Variants in HAUS8 observed in about 807,000 individuals in gnomAD.
HAUS8 encodes the protein HAUS augmin-like complex subunit 8.
Under a neutral mutation model 42.9 loss-of-function variants are expected in HAUS8, and 38 were observed. The observed-to-expected ratio is 0.89, with a 90% CI of 0.68 to 1.16. The LOEUF (loss-of-function observed/expected upper bound fraction) is 1.16. HAUS8 is among the 50% of genes most tolerant of loss of function. The pLI is 0.00. For missense variants in HAUS8, 494 were observed against 511.6 expected (o/e 0.97, Z 0.33); for synonymous variants, 199 against 205.8 (o/e 0.97, Z 0.28).
chr19:17,075,447 C>T lies in HAUS8; in HGVS notation c.-25G>A. 1 of 1,613,166 alleles carries T rather than the reference C, an allele frequency of 6.2e-7. No homozygotes were observed. The highest frequency in any genetic ancestry group is 8.5e-7 in the Non-Finnish European group (1 of 1,179,752). On this transcript the variant is annotated 5_prime_UTR_variant, in exon 1 of 11. Coordinates refer to ENST00000253669, the MANE Select transcript of HAUS8 (RefSeq NM_033417.2). ...TTTTCCCGCCTTCCACCTCAAGGCCCGACCCGCCGGCTTTTCAAAGCCGGA... is the reference window on the plus strand; with the variant it reads ...TTTTCCCGCCTTCCACCTCAAGGCCTGACCCGCCGGCTTTTCAAAGCCGGA...
At chr19:17,062,555 A>C in intron 4 of HAUS8, 143 bp downstream of exon 4, 1 of 651,960 alleles carries the variant, frequency 1.5e-6, no homozygotes, top group Non-Finnish European at 2.8e-6. Flanking sequence ...ACATCCCCCC[A>C]GTCTGTCCTT....
intron 2 of HAUS8, among the ~76,000 whole-genome samples, chr19:17,072,100 T>C (rs1028290783): frequency 2.0e-5 from 3 of 152,228 alleles, no homozygotes; most frequent in Non-Finnish European, 2.9e-5. Flanking sequence ...ATAGCTGTTA[T>C]ATGCGAGATT....
intron 10 of HAUS8, among the ~76,000 whole-genome samples, chr19:17,050,425 T>C (rs1270401099): frequency 6.6e-6 from 1 of 152,072 alleles, no homozygotes; most frequent in Non-Finnish European, 1.5e-5. Context: ...GCTGCTGCTG[T>C]GGTGGGAGTA....
intron 6 of HAUS8, among the ~76,000 whole-genome samples, chr19:17,059,289 C>T (rs2057345370): frequency 6.6e-6 from 1 of 152,236 alleles, no homozygotes; most frequent in Non-Finnish European, 1.5e-5. Context: ...TGGCATTGTG[C>T]CTTTCCCAGC....
At chr19:17,055,182 AT>A (rs2057317186) in intron 9 of HAUS8, 2 of 76,900 alleles carry the variant, frequency 2.6e-5, no homozygotes, top group Non-Finnish European at 4.6e-5. Flanking sequence ...ATATATATAT[AT>A]ATATATATAA....
chr19:17,056,303 A>G (rs1267045759), intron 8 of HAUS8, among the ~76,000 whole-genome samples: 2 of 152,162 alleles, frequency 1.3e-5, no homozygotes, highest in Non-Finnish European at 2.9e-5. Flanking sequence ...CCACAAGGCC[A>G]TCCCCGGCAT....
intron 9 of HAUS8, 22 bp downstream of exon 9, chr19:17,055,839 A>G: frequency 3.7e-6 from 6 of 1,608,738 alleles, no homozygotes; most frequent in Non-Finnish European, 5.1e-6. Context: ...CTGCACACGC[A>G]CTGGGACGCC....
chr19:17,053,171 A>C, intron 9 of HAUS8: 1 of 606,830 alleles, frequency 1.6e-6, no homozygotes, highest in South Asian at 2.0e-5. Context: ...AGGCACATCC[A>C]TCTATCCAGG....
rs534245876 is a variant in HAUS8 at position 17,069,520 on chromosome 19, C to T, written c.92-434G>A. ...TCCTGGTACTACCTTTTACTCCCCC[C>T]GCCCCTTACTCAGTTTGGGACCCCC... is the stretch of plus-strand genomic sequence containing the variant. On this transcript the variant is annotated intron_variant, in intron 2 of 10. Transcript: ENST00000253669. Among the ~76,000 whole-genome samples, 6 of 151,404 alleles carry T rather than the reference C, an allele frequency of 4.0e-5. No homozygotes were observed. In the South Asian group the frequency reaches 6.3e-4, roughly 16 times the overall value.
chr19:17,072,953 A>AG (rs2057437547), intron 2 of HAUS8, among the ~76,000 whole-genome samples: 1 of 151,142 alleles, frequency 6.6e-6, no homozygotes, highest in African/African-American at 2.4e-5. Flanking sequence ...CCAACTCAAA[A>AG]AAAAAAAAAA....
intron 2 of HAUS8, among the ~76,000 whole-genome samples, chr19:17,071,570 C>A (rs1472798030): frequency 1.3e-5 from 2 of 152,170 alleles, no homozygotes; most frequent in African/African-American, 4.8e-5. Context: ...AAAGACCATC[C>A]AGCCCGGGTC....
At chr19:17,068,728 C>G (rs1468104048) in intron 3 of HAUS8, among the ~76,000 whole-genome samples, 1 of 151,938 alleles carries the variant, frequency 6.6e-6, no homozygotes, top group East Asian at 1.9e-4. Context: ...GATCACACTG[C>G]ACTCCAGCCT....
rs751325175 is a variant in HAUS8, at chr19:17,062,676, G to A, written c.229+22C>T. On this transcript the variant is annotated intron_variant, in intron 4 of 10. Coordinates refer to ENST00000253669, the MANE Select transcript of HAUS8 (RefSeq NM_033417.2). ...TTTACTGCCGCGCTCATCACTGCCC[G>A]AGGACCATGGCTGTTTCGCACCTTT... The A allele has an allele frequency of 8.7e-6, 14 of 1,602,696 alleles. No individual in the cohort carries two copies. The East Asian group carries it at 2.0e-4, about 23-fold the overall frequency.
intron 3 of HAUS8, among the ~76,000 whole-genome samples, chr19:17,063,912 G>C (rs971985255): frequency 1.3e-5 from 2 of 152,126 alleles, no homozygotes; most frequent in African/African-American, 4.8e-5. Context: ...GCAGACAGCA[G>C]ATCCTGGGAT....
rs1420762302 is a variant in HAUS8 at position 17,060,062 on chromosome 19, A to G, written c.260T>C (p.Leu87Pro). Residue 87 changes from leucine to proline, a missense_variant, in exon 5 of 11, where the codon CTG (leucine) becomes CCG (proline). Leu to Pro is a moderately conservative substitution (Grantham distance 98, BLOSUM62 -3). Transcript: ENST00000253669. ...ADSSGVGKGD[L>P]QSTLLEGHGT... ...ATGCCCTTCCAGCAACGTGGACTGC[A>G]GGTCACCCTTTCCGACCCCACTGCT... The G allele has an allele frequency of 2.5e-6, 4 of 1,613,560 alleles. No homozygotes were observed. In the East Asian group the frequency reaches 6.7e-5, roughly 27 times the overall value.
At position 17,049,853 on chromosome 19, in the gene HAUS8, A is replaced by C. The variant is rs1376877483; in HGVS notation, c.*20T>G. The stretch of plus-strand genomic sequence containing the variant: ...ACGGTAGTATATAAAGTGCTCAAGT[A>C]TCCTGAATGTAACCATGAGTCATGA... On this transcript the variant is annotated 3_prime_UTR_variant, in exon 11 of 11. Coordinates refer to ENST00000253669, the MANE Select transcript of HAUS8 (RefSeq NM_033417.2). 1 of 1,450,374 alleles carries C rather than the reference A, an allele frequency of 6.9e-7. No individual in the cohort carries two copies. The highest frequency in any genetic ancestry group is 1.4e-5 in the African/African-American group (1 of 69,408). 89.8% of individuals were successfully genotyped at this position (1,450,374 alleles called of 1,614,324 possible).
rs199724341 is a variant in HAUS8 at position 17,055,923 on chromosome 19, G to A, written c.725C>T (p.Thr242Ile). Residue 242 changes from threonine to isoleucine, a missense_variant, in exon 9 of 11, where the codon ACT becomes ATT. Coordinates refer to ENST00000253669, the MANE Select transcript of HAUS8 (RefSeq NM_033417.2). ...CCTCACGGGCAGCTCGTGCCTGGTA[G>A]TGTCCAGGGCCGTGGCGAATGTCCT... ...QYRTFATALD[T>I]TRHELPVRSI... 70 of 1,614,152 alleles carry A rather than the reference G, an allele frequency of 4.3e-5. No homozygotes were observed. In the East Asian group the frequency reaches 1.5e-3, roughly 35 times the overall value.
Position 17,073,181 on chromosome 19 carries a change from G to A in HAUS8, c.91+93C>T, listed in dbSNP as rs367926005. ...GTGACTACAAGGAAGTAAAGCCACA[G>A]GCCCCCTTCTCTGGCCTGTTTTTTT... On this transcript the variant is annotated intron_variant, in intron 2 of 10. Coordinates refer to ENST00000253669, the MANE Select transcript of HAUS8 (RefSeq NM_033417.2). The A allele has an allele frequency of 7.5e-5, 84 of 1,118,538 alleles. No homozygotes were observed. The South Asian group carries it at 9.9e-4, about 13-fold the overall frequency. 69.3% of individuals were successfully genotyped at this position (1,118,538 alleles called of 1,614,324 possible).
At chr19:17,062,234 C>T (rs2057365209) in intron 4 of HAUS8, among the ~76,000 whole-genome samples, 1 of 152,214 alleles carries the variant, frequency 6.6e-6, no homozygotes, top group Non-Finnish European at 1.5e-5. Flanking sequence ...GATTCGCCTG[C>T]CTCAGCCCTG....
Sources: allele counts gnomAD v4.1 joint callset (sites outside exome capture counted in the v4.1 genomes callset), GRCh38; gene constraint gnomAD v4.1.1; transcripts MANE v1.5; gene names NCBI Gene and HGNC (gene_info 2026-07-23, HGNC 2026-07-21).